TNFRSF19: variants seen among roughly 807,000 people sequenced by gnomAD.
TNFRSF19 encodes TNF receptor superfamily member 19, also known as tumor necrosis factor receptor superfamily member 19.
In TNFRSF19, 27 loss-of-function variants were observed where a neutral mutation model predicts 46.4. That is an observed-to-expected ratio of 0.58 (90% CI 0.43 to 0.80). The LOEUF (loss-of-function observed/expected upper bound fraction) is 0.80, where lower values mean the gene tolerates loss of function less well. Ranked by LOEUF, TNFRSF19 falls within the 30% of genes least tolerant of loss-of-function variation. The pLI, the probability that TNFRSF19 is intolerant of heterozygous loss-of-function variation, is 0.00. For missense variants in TNFRSF19, 511 were observed against 530.8 expected (o/e 0.96, Z 0.37); for synonymous variants, 204 against 205.0 (o/e 1.00, Z 0.04).
chr13:23,618,045 C>T (rs561733145), intron 4 of TNFRSF19, among the ~76,000 whole-genome samples: 1 of 152,260 alleles, frequency 6.6e-6, no homozygotes, highest in African/African-American at 2.4e-5. Flanking sequence ...GTGGGTCCCA[C>T]GTGGTCATAT....
At chr13:23,603,341 C>T (rs759246484) in intron 3 of TNFRSF19, among the ~76,000 whole-genome samples, 1 of 151,994 alleles carries the variant, frequency 6.6e-6, no homozygotes, top group Non-Finnish European at 1.5e-5. Flanking sequence ...AATTCATAAC[C>T]TTCCAAAACA....
chr13:23,582,432 A>G (rs1042855713), intron 1 of TNFRSF19, among the ~76,000 whole-genome samples: 9 of 152,194 alleles, frequency 5.9e-5, no homozygotes, highest in African/African-American at 2.2e-4. Context: ...GATTTGGGAT[A>G]ATGCATATGT....
chr13:23,629,516 G>T (rs1035502273), intron 5 of TNFRSF19, among the ~76,000 whole-genome samples: 8 of 152,140 alleles, frequency 5.3e-5, no homozygotes, highest in African/African-American at 1.7e-4. Flanking sequence ...CCCTCCCCAA[G>T]GGCTAGGTCT....
At chr13:23,658,366 T>C (rs921581768) in intron 5 of TNFRSF19, among the ~76,000 whole-genome samples, 1 of 152,202 alleles carries the variant, frequency 6.6e-6, no homozygotes, top group Admixed American at 6.5e-5. Context: ...ACCCAGGCCA[T>C]GGGGTTCAGA....
chr13:23,608,853 A>G (rs912090572), intron 3 of TNFRSF19, among the ~76,000 whole-genome samples: 5 of 152,200 alleles, frequency 3.3e-5, no homozygotes, highest in African/African-American at 1.2e-4. Context: ...ACGCACATGC[A>G]CTGCGGGAGC....
At chr13:23,574,399 A>G (rs1877827842) in intron 1 of TNFRSF19, among the ~76,000 whole-genome samples, 1 of 152,104 alleles carries the variant, frequency 6.6e-6, no homozygotes, top group African/African-American at 2.4e-5. Context: ...AGAATTACAC[A>G]AAGCTGAACT....
intron 5 of TNFRSF19, among the ~76,000 whole-genome samples, chr13:23,646,861 C>G (rs1883362037): frequency 6.6e-6 from 1 of 152,158 alleles, no homozygotes; most frequent in African/African-American, 2.4e-5. Context: ...CAAACTGTAT[C>G]CCACAGCAGC....
intron 1 of TNFRSF19, among the ~76,000 whole-genome samples, chr13:23,582,978 T>C (rs1437593118): frequency 6.6e-6 from 1 of 152,224 alleles, no homozygotes; most frequent in African/African-American, 2.4e-5. Context: ...TATGGACACA[T>C]GGTTGTTTTC....
intron 5 of TNFRSF19, among the ~76,000 whole-genome samples, chr13:23,639,528 AG>A (rs1219397705): frequency 1.3e-5 from 2 of 152,190 alleles, no homozygotes; most frequent in Non-Finnish European, 2.9e-5. Flanking sequence ...GCCACATGCC[AG>A]GGGGATTTGT....
At chr13:23,639,335 G>A (rs1254362160) in intron 5 of TNFRSF19, among the ~76,000 whole-genome samples, 2 of 152,198 alleles carry the variant, frequency 1.3e-5, no homozygotes, top group Non-Finnish European at 2.9e-5. Context: ...AGAGGTTGCA[G>A]TGAGCCAAGA....
chr13:23,585,222 A>G (rs1450312358), intron 1 of TNFRSF19, among the ~76,000 whole-genome samples: 1 of 152,210 alleles, frequency 6.6e-6, no homozygotes. Flanking sequence ...TTTTGATGAA[A>G]ACTGTTACCA....
At chr13:23,664,911 C>T (rs576769889) in intron 7 of TNFRSF19, among the ~76,000 whole-genome samples, 70 of 152,262 alleles carry the variant, frequency 4.6e-4, no homozygotes, top group South Asian at 1.5e-3. Flanking sequence ...AGTAAAAATA[C>T]GGTATTATAA....
At position 23,639,228 on chromosome 13, in the gene TNFRSF19, A is replaced by G. The variant is rs143752203; in HGVS notation, c.445+12436A>G. Among the ~76,000 whole-genome samples the G allele has an allele frequency of 4.2e-3, 645 of 152,148 alleles. 3 individuals carry two copies. Among genetic ancestry groups the G allele is most frequent in the African/African-American group, 0.015 (621 of 41,500 alleles). The stretch of plus-strand genomic sequence containing the variant: ...GCCAACATGATGAAACCCTATCTCT[A>G]CTAAAAATACAAAAATTAGCTAGAC... On this transcript the variant is annotated intron_variant, in intron 5 of 9. Transcript: ENST00000248484.
At chr13:23,602,396 A>C (rs1184447791) in intron 3 of TNFRSF19, among the ~76,000 whole-genome samples, 2 of 152,130 alleles carry the variant, frequency 1.3e-5, no homozygotes, top group African/African-American at 4.8e-5. Context: ...CTACAAGGAG[A>C]TATAGATAAA....
intron 1 of TNFRSF19, among the ~76,000 whole-genome samples, chr13:23,587,444 C>T (rs1037061869): frequency 2.0e-5 from 3 of 152,148 alleles, no homozygotes; most frequent in Admixed American, 2.0e-4. Flanking sequence ...CTGTGAGCTC[C>T]CTTGAAGGAA....
At chr13:23,670,963 T>A (rs1220819869) in intron 9 of TNFRSF19, among the ~76,000 whole-genome samples, 1 of 152,220 alleles carries the variant, frequency 6.6e-6, no homozygotes, top group Non-Finnish European at 1.5e-5. Flanking sequence ...TTGTAGCTTG[T>A]ACCCAAGTTT....
rs1021585392 is a variant in TNFRSF19, at chr13:23,591,874, G to A, written c.70-1471G>A. Among the ~76,000 whole-genome samples the A allele has an allele frequency of 2.6e-4, 39 of 151,816 alleles. 1 individual carries two copies. The highest frequency in any genetic ancestry group is 2.5e-3 in the Admixed American group (38 of 15,244). ...TGCAAGTAGCTGGGACTACAGGTGC[G>A]CACCACCACACCTAGCTAATTTTTG... On this transcript the variant is annotated intron_variant, in intron 2 of 9. Coordinates refer to ENST00000248484, the MANE Select transcript of TNFRSF19 (RefSeq NM_148957.4).
intron 3 of TNFRSF19, 142 bp downstream of exon 3, chr13:23,593,597 C>T: frequency 1.6e-6 from 1 of 641,782 alleles, no homozygotes; most frequent in Non-Finnish European, 2.7e-6. Flanking sequence ...AGCCAAATAT[C>T]ATACAATTCC....
intron 3 of TNFRSF19, chr13:23,594,330 G>C (rs1879539471): frequency 2.2e-6 from 1 of 448,670 alleles, no homozygotes; most frequent in Non-Finnish European, 4.5e-6. Context: ...CTCCCATGGA[G>C]CCCAGCAAGC....
Sources: gnomAD v4.1 joint callset for allele counts (sites outside exome capture counted in the v4.1 genomes callset) on GRCh38, gnomAD v4.1.1 for gene constraint, MANE v1.5 for transcripts, NCBI Gene and HGNC (gene_info 2026-07-23, HGNC 2026-07-21) for gene names.